LDLRAD3: variants seen among roughly 807,000 people sequenced by gnomAD.
LDLRAD3 encodes the protein low-density lipoprotein receptor class A domain-containing protein 3.
A neutral mutation model predicts 29.4 loss-of-function variants in LDLRAD3; 20 were observed. The observed-to-expected ratio is 0.68, with a 90% CI of 0.48 to 0.99. LDLRAD3 has a LOEUF of 0.99. Among genes scored for constraint, LDLRAD3 ranks in the 50% least tolerant of loss-of-function variants. LDLRAD3 has a pLI of 0.00. For missense variants in LDLRAD3, 420 were observed against 454.3 expected, an observed-to-expected ratio of 0.92 and a Z score of 0.69; for synonymous variants, 157 against 192.7, an observed-to-expected ratio of 0.81 and a Z score of 1.53.
chr11:36,229,179 C>T lies in LDLRAD3; in HGVS notation c.820C>T (p.Pro274Ser). 1 of 1,614,058 alleles carries T rather than the reference C, an allele frequency of 6.2e-7. No homozygotes were observed. Among genetic ancestry groups the T allele is most frequent in the Non-Finnish European group, 8.5e-7 (1 of 1,179,980 alleles). The change falls in exon 6 of 6, where the codon CCT becomes TCT. Residue 274 changes from proline to serine, a missense_variant. Transcript: ENST00000315571. ...LDQRPAWYDL[P>S]PPPYSSDTES... ...TCACAGGCCTGCGTGGTATGACCTT[C>T]CTCCACCGCCCTACTCTTCTGACAC...
rs1245673617 is a variant in LDLRAD3, at chr11:36,229,175, C to G, written c.816C>G (p.Asp272Glu). The change falls in exon 6 of 6, where the codon GAC becomes GAG. Residue 272 changes from aspartate (D) to glutamate (E), a missense_variant. Transcript: ENST00000315571. ...ALLDQRPAWY[D>E]LPPPPYSSDT... Reference sequence around the variant, plus strand: ...CCCATCACAGGCCTGCGTGGTATGACCTTCCTCCACCGCCCTACTCTTCTG... The same window carrying G: ...CCCATCACAGGCCTGCGTGGTATGAGCTTCCTCCACCGCCCTACTCTTCTG... The G allele has an allele frequency of 2.5e-6, 4 of 1,613,894 alleles. No individual in the cohort carries two copies. The highest frequency in any genetic ancestry group is 3.4e-6 in the Non-Finnish European group (4 of 1,179,936).
intron 4 of LDLRAD3, 136 bp from the exon 5 acceptor site, chr11:36,226,949 C>T (rs942334827): frequency 5.2e-5 from 34 of 656,594 alleles, no homozygotes; most frequent in South Asian, 2.5e-4. Context: ...GACATTTGGG[C>T]GGTTTCCACT....
intron 4 of LDLRAD3, among the ~76,000 whole-genome samples, chr11:36,133,207 C>CTTTTTTTTTTTTT (rs60402803): frequency 6.8e-6 from 1 of 146,536 alleles, no homozygotes. Context: ...TTTCTTTTTT[C>CTTTTTTTTTTTTT]TTTTTTTTAG....
intron 4 of LDLRAD3, among the ~76,000 whole-genome samples, chr11:36,123,139 A>G (rs1448016958): frequency 1.3e-5 from 2 of 152,202 alleles, no homozygotes; most frequent in African/African-American, 4.8e-5. Context: ...ATGAACTATG[A>G]TGGCACCACT....
chr11:36,098,304 T>A, intron 3 of LDLRAD3, 23 bp from the exon 4 acceptor site: 2 of 1,613,148 alleles, frequency 1.2e-6, no homozygotes, highest in South Asian at 1.1e-5. Flanking sequence ...TCCCTGGTAA[T>A]GTGCTGTGTT....
chr11:36,009,884 C>T (rs79616188), intron 1 of LDLRAD3, among the ~76,000 whole-genome samples: 1,916 of 152,264 alleles, frequency 0.013, 50 homozygotes, highest in African/African-American at 0.044. Context: ...ATCAGGAATT[C>T]TCCAGCTTTG....
chr11:36,040,299 AT>A (rs528198757), intron 2 of LDLRAD3, among the ~76,000 whole-genome samples: 1,995 of 147,526 alleles, frequency 0.014, 45 homozygotes, highest in African/African-American at 0.045. Context: ...AGACAGGAAG[AT>A]TTTTTTTTTT....
chr11:36,059,714 A>G (rs2133232099), intron 2 of LDLRAD3, among the ~76,000 whole-genome samples: 1 of 152,250 alleles, frequency 6.6e-6, no homozygotes, highest in South Asian at 2.1e-4. Context: ...AACTACTTGT[A>G]CGGTTGCCGA....
At position 36,115,915 on chromosome 11, in the gene LDLRAD3, C is replaced by T. The variant is rs138777538; in HGVS notation, c.454+17454C>T. 4.6e-5 allele frequency among the ~76,000 whole-genome samples: 7 copies of T among 152,232 alleles called. 2 individuals carry two copies. Among genetic ancestry groups the T allele is most frequent in the African/African-American group, 1.7e-4 (7 of 41,524 alleles). On this transcript the variant is annotated intron_variant, in intron 4 of 5. Coordinates refer to ENST00000315571, the MANE Select transcript of LDLRAD3 (RefSeq NM_174902.4). ...CAGGAGTAAGCTAGTTTTGCAAGGC[C>T]TCCCCCTTACCTTAGCATGTATATT...
chr11:36,144,064 G>A (rs1371492075), intron 4 of LDLRAD3, among the ~76,000 whole-genome samples: 1 of 151,884 alleles, frequency 6.6e-6, no homozygotes, highest in Non-Finnish European at 1.5e-5. Flanking sequence ...AAGTGCCTGC[G>A]ATTGCAGGCG....
At chr11:36,212,040 A>G (rs574937608) in intron 4 of LDLRAD3, among the ~76,000 whole-genome samples, 2 of 152,362 alleles carry the variant, frequency 1.3e-5, no homozygotes, top group East Asian at 3.9e-4. Context: ...ACTACAGGTA[A>G]ATAGCTACAG....
intron 1 of LDLRAD3, among the ~76,000 whole-genome samples, chr11:35,964,949 C>G (rs975475038): frequency 1.1e-4 from 16 of 150,384 alleles, no homozygotes; most frequent in African/African-American, 3.9e-4. Flanking sequence ...GTGATTATGC[C>G]ACCACACTTC....
intron 2 of LDLRAD3, among the ~76,000 whole-genome samples, chr11:36,049,922 C>T (rs10836484): frequency 0.21 from 31,497 of 152,090 alleles, 3,393 homozygotes; most frequent in Non-Finnish European, 0.24. Context: ...ATCTGAAGAC[C>T]ATCTTGGCTC....
chr11:36,173,853 AAAAAAACTACTTT>A (rs1259714281), intron 4 of LDLRAD3, among the ~76,000 whole-genome samples: 1 of 10,556 alleles, frequency 9.5e-5, no homozygotes, highest in Non-Finnish European at 2.2e-3. Context: ...ACAGAATTGG[AAAAAAACTACTTT>A]AAAGTTCATA....
chr11:36,144,987 T>G (rs1590305773), intron 4 of LDLRAD3, among the ~76,000 whole-genome samples: 2 of 99,044 alleles, frequency 2.0e-5, no homozygotes, highest in African/African-American at 3.7e-5. Flanking sequence ...GGTGGGGGGG[T>G]CAGCCCCCCG....
chr11:36,050,738 C>T (rs777447617), intron 2 of LDLRAD3, among the ~76,000 whole-genome samples: 1 of 152,106 alleles, frequency 6.6e-6, no homozygotes, highest in Non-Finnish European at 1.5e-5. Context: ...TTATTTTTTT[C>T]ATTTAATCTT....
At chr11:35,965,526 T>C (rs2133140704) in intron 1 of LDLRAD3, among the ~76,000 whole-genome samples, 1 of 152,068 alleles carries the variant, frequency 6.6e-6, no homozygotes, top group South Asian at 2.1e-4. Flanking sequence ...GGTATGTGGG[T>C]ATTTAGGGTT....
At chr11:36,202,189 G>A (rs1241546607) in intron 4 of LDLRAD3, among the ~76,000 whole-genome samples, 1 of 151,912 alleles carries the variant, frequency 6.6e-6, no homozygotes, top group Non-Finnish European at 1.5e-5. Flanking sequence ...TAAAAGGTGT[G>A]CACCACCACG....
At chr11:36,149,627 T>C (rs1236200401) in intron 4 of LDLRAD3, among the ~76,000 whole-genome samples, 1 of 152,214 alleles carries the variant, frequency 6.6e-6, no homozygotes, top group Non-Finnish European at 1.5e-5. Flanking sequence ...GTGAGTCTGC[T>C]TCTGGGCTGG....
Sources: allele counts gnomAD v4.1 joint callset (sites outside exome capture counted in the v4.1 genomes callset), GRCh38; gene constraint gnomAD v4.1.1; transcripts MANE v1.5; gene names NCBI Gene and HGNC (gene_info 2026-07-23, HGNC 2026-07-21).